FBN3: variants seen among roughly 807,000 people sequenced by gnomAD.
FBN3 encodes fibrillin-3.
FBN3 carries 234 observed loss-of-function variants against 330.1 expected under a neutral mutation model. The observed-to-expected ratio is 0.71, with a 90% confidence interval of 0.64 to 0.79. The LOEUF (loss-of-function observed/expected upper bound fraction) is 0.79. Ranked by LOEUF, FBN3 falls within the 30% of genes least tolerant of loss-of-function variation. The pLI, the probability that FBN3 is intolerant of heterozygous loss-of-function variation, is 0.00. For missense variants in FBN3, 3,606 were observed against 3,886.9 expected, an observed-to-expected ratio of 0.93 and a Z score of 1.92; for synonymous variants, 1,458 against 1,517.3, an observed-to-expected ratio of 0.96 and a Z score of 0.91.
rs1439280020 is a variant in FBN3 at position 8,109,628 on chromosome 19, C to T, written c.4456+3G>A. On this transcript the variant is annotated splice_donor_region_variant and intron_variant, in intron 35 of 63. Transcript: ENST00000600128. This position sits in a 1 kb window ranked among gnomAD's most constrained non-coding sequence, Gnocchi z 5.2. ...CCTGATCTGGAGTTGAGCATGGACTCACCCACGCAGCCCACTCCGCTGGGG... is the reference window on the plus strand; with the variant it reads ...CCTGATCTGGAGTTGAGCATGGACTTACCCACGCAGCCCACTCCGCTGGGG... The T allele has an allele frequency of 3.1e-6, 5 of 1,593,340 alleles. No homozygotes were observed. Among genetic ancestry groups the T allele is most frequent in the East Asian group, 2.2e-5 (1 of 44,670 alleles).
intron 59 of FBN3, among the ~76,000 whole-genome samples, chr19:8,077,609 A>G (rs2081671083): frequency 6.6e-6 from 1 of 152,180 alleles, no homozygotes; most frequent in Non-Finnish European, 1.5e-5. Flanking sequence ...CCTGCGCTCC[A>G]GCCTGGGCGA....
chr19:8,097,094 C>A, intron 42 of FBN3, 88 bp from the exon 43 acceptor site: 3 of 1,544,308 alleles, frequency 1.9e-6, no homozygotes. Flanking sequence ...TGCTTCGGAG[C>A]AGGTGGTTTC....
chr19:8,135,935 T>TTGGGGGGGGC, intron 13 of FBN3, 26 bp downstream of exon 13: 5 of 1,344,152 alleles, frequency 3.7e-6, no homozygotes, highest in Non-Finnish European at 5.0e-6. Flanking sequence ...CGGAAGCCCC[T>TTGGGGGGGGC]GCCCACCCGC....
At chr19:8,107,878 G>C (rs1420983475) in intron 37 of FBN3, among the ~76,000 whole-genome samples, 1 of 151,984 alleles carries the variant, frequency 6.6e-6, no homozygotes, top group Non-Finnish European at 1.5e-5. Flanking sequence ...ATGGATGGAA[G>C]GATGGGTGGA....
Position 8,129,355 on chromosome 19 carries a change from C to T in FBN3, c.2055G>A (p.Glu685=), listed in dbSNP as rs746835088. Residue 685 remains glutamate (E), a synonymous_variant, in exon 17 of 64, where the codon GAG becomes GAA. Coordinates refer to ENST00000600128, the MANE Select transcript of FBN3 (RefSeq NM_032447.5). The surrounding 1 kb of genome is among the most constrained non-coding windows in gnomAD (Gnocchi z 4.5). ...CACAAACCTCAGGATCCAGAGCACA[C>T]TCGTTGATGTCTGCGGCAGGAGGAG... The part of the protein sequence containing the change: ...GITTDGRDIN[E]CALDPEVCAN... The T allele has an allele frequency of 6.8e-6, 11 of 1,613,934 alleles. No homozygotes were observed. The African/African-American group carries it at 9.3e-5, about 14-fold the overall frequency.
chr19:8,117,123 C>G, intron 28 of FBN3, 46 bp downstream of exon 28: 1 of 1,609,998 alleles, frequency 6.2e-7, no homozygotes, highest in Non-Finnish European at 8.5e-7. Flanking sequence ...AACACCTCCT[C>G]CTCACCCTCC....
intron 8 of FBN3, 128 bp from the exon 9 acceptor site, chr19:8,138,692 TC>T: frequency 2.0e-6 from 2 of 976,392 alleles, no homozygotes; most frequent in Non-Finnish European, 3.0e-6. Context: ...CAGTTTCCTC[TC>T]CATAAAATGG....
In FBN3 at chr19:8,073,000, TGTGC is replaced by T. The variant is rs1555723770; in HGVS notation, c.7937+59_7937+62del. The T allele has an allele frequency of 2.2e-4, 203 of 916,032 alleles. 1 individual carries two copies. Among genetic ancestry groups the T allele is most frequent in the African/African-American group, 8.5e-4 (50 of 58,732 alleles). 56.7% of individuals were successfully genotyped at this position (916,032 alleles called of 1,614,324 possible). On this transcript the variant is annotated intron_variant, in intron 62 of 63. Transcript: ENST00000600128. Reference sequence around the variant, plus strand: ...GTGTGTGTGTGTGTGTGTGTGTGTGTGTGCGTGCGTGCATGGACGCTTGCGGGGC... The same window carrying T: ...GTGTGTGTGTGTGTGTGTGTGTGTGTGTGCGTGCATGGACGCTTGCGGGGC...
At chr19:8,146,083 T>C in intron 4 of FBN3, 44 bp downstream of exon 4, 7 of 1,544,690 alleles carry the variant, frequency 4.5e-6, no homozygotes, top group Non-Finnish European at 6.1e-6. Flanking sequence ...ACCAGAACCC[T>C]GTGAACTTCT....
chr19:8,126,049 C>T, intron 21 of FBN3, 32 bp from the exon 22 acceptor site: 1 of 1,613,076 alleles, frequency 6.2e-7, no homozygotes, highest in Non-Finnish European at 8.5e-7. Flanking sequence ...CCGGAGGGTC[C>T]AGGGAGGGGA....
At chr19:8,141,237 T>G (rs1407369161) in intron 8 of FBN3, among the ~76,000 whole-genome samples, 9 of 131,692 alleles carry the variant, frequency 6.8e-5, no homozygotes, top group Admixed American at 1.6e-4. Context: ...CGTGGTGGCG[T>G]GCGCCTGTAC....
intron 13 of FBN3, among the ~76,000 whole-genome samples, chr19:8,135,162 A>T (rs1719341874): frequency 6.6e-6 from 1 of 151,408 alleles, no homozygotes; most frequent in South Asian, 2.1e-4. Context: ...GGTTTTCTGT[A>T]GAGACAGGGT....
At chr19:8,146,709 G>A (rs1193983565) in intron 3 of FBN3, among the ~76,000 whole-genome samples, 2 of 152,026 alleles carry the variant, frequency 1.3e-5, no homozygotes, top group Admixed American at 6.6e-5. Context: ...GCTCACACCT[G>A]GAATCCTAGC....
chr19:8,081,519 C>T, intron 57 of FBN3, 39 bp from the exon 58 acceptor site: 1 of 1,558,812 alleles, frequency 6.4e-7, no homozygotes, highest in Non-Finnish European at 8.7e-7. Context: ...CGGGGTTAGA[C>T]AGACATTCCC....
Position 8,135,938 on chromosome 19 carries a change from CCACCCG to C in FBN3, c.1591+17_1591+22del. ...GCTAGTGGGGCCCGGAAGCCCCTGC[CCACCCG>C]CCCACCCCCAACTCACCCACACAGT... On this transcript the variant is annotated intron_variant, in intron 13 of 63. Coordinates refer to ENST00000600128, the MANE Select transcript of FBN3 (RefSeq NM_032447.5). 1 of 233,820 alleles carries C rather than the reference CCACCCG, an allele frequency of 4.3e-6. No individual in the cohort carries two copies. Among genetic ancestry groups the C allele is most frequent in the South Asian group, 3.4e-5 (1 of 29,494 alleles). The allele number at this position is 233,820 out of a possible 1,614,324, so 14.5% of individuals were successfully genotyped here. A position where few individuals can be genotyped will look rare whatever the true frequency, so the allele number is the denominator to read the frequency against.
At position 8,121,254 on chromosome 19, in the gene FBN3, C is replaced by T. The variant is rs912351410; in HGVS notation, c.3211+4G>A. The T allele has an allele frequency of 6.3e-6, 10 of 1,595,286 alleles. No homozygotes were observed. The highest frequency in any genetic ancestry group is 4.6e-5 in the South Asian group (4 of 87,872). On this transcript the variant is annotated splice_donor_region_variant and intron_variant, in intron 25 of 63. Transcript: ENST00000600128. The surrounding 1 kb of genome is among the most constrained non-coding windows in gnomAD (Gnocchi z 4.5). ...CACCACACCCCTGCCCGGCAGTCAC[C>T]GACCCATGCAGTTCTTCATCAGCAT...
In FBN3 at chr19:8,138,360, C is replaced by A. The variant is rs770708750; in HGVS notation, c.1019-37G>T. On this transcript the variant is annotated intron_variant, in intron 9 of 63. Transcript: ENST00000600128. ...CAGGGTTGAGGCCAGGCCCTTGGCC[C>A]TCCCCTGTCCCCTCCTCACCCACAG... 52 of 1,609,450 alleles carry A rather than the reference C, an allele frequency of 3.2e-5. 2 individuals carry two copies. The South Asian group carries it at 5.4e-4, about 17-fold the overall frequency.
At chr19:8,126,970 G>T in intron 18 of FBN3, 138 bp from the exon 19 acceptor site, 1 of 910,562 alleles carries the variant, frequency 1.1e-6, no homozygotes, top group Non-Finnish European at 1.6e-6. Context: ...GAGGGCACTG[G>T]AATCAAATGT....
intron 3 of FBN3, 79 bp downstream of exon 3, chr19:8,147,024 GT>G (rs1238806041): frequency 3.8e-6 from 5 of 1,318,550 alleles, no homozygotes; most frequent in Non-Finnish European, 5.3e-6. Flanking sequence ...AAGTCCCCGT[GT>G]AAACAGAGCT....
Sources: allele counts gnomAD v4.1 joint callset (sites outside exome capture counted in the v4.1 genomes callset), GRCh38; gene constraint gnomAD v4.1.1; non-coding constraint Gnocchi (gnomAD v3.1); transcripts MANE v1.5; gene names NCBI Gene and HGNC (gene_info 2026-07-23, HGNC 2026-07-21).